The following SLC9A9 variants were observed in gnomAD, a reference collection of about 807,000 sequenced individuals.
SLC9A9 encodes the protein solute carrier family 9 member A9.
SLC9A9 carries 62 observed loss-of-function variants against 77.8 expected under a neutral mutation model. The observed-to-expected ratio is 0.80, with a 90% CI of 0.65 to 0.98. The LOEUF is 0.98. Ranked by LOEUF, SLC9A9 falls within the 50% of genes least tolerant of loss-of-function variation. The probability of loss-of-function intolerance (pLI) is 0.00; values close to 1 mark genes in which losing one functional copy is unlikely to be tolerated. For missense variants in SLC9A9, 775 were observed against 774.9 expected (o/e 1.00, Z 0.00); for synonymous variants, 320 against 283.5 (o/e 1.13, Z -1.29).
chr3:143,552,360 A>G lies in SLC9A9; in HGVS notation c.1089+2T>C. On this transcript the variant is annotated splice_donor_variant, in intron 9 of 15. Coordinates refer to ENST00000316549, the MANE Select transcript of SLC9A9 (RefSeq NM_173653.4). LOFTEE classifies it high-confidence loss of function. ...AAGTCTGTAGTAAATTTTTTCTTTT[A>G]CCTGTTTAGTTCTTATTTTGGAATC... 6.2e-7 allele frequency: 1 copy of G among 1,609,426 alleles called. No individual in the cohort carries two copies. Among genetic ancestry groups the G allele is most frequent in the African/African-American group, 1.3e-5 (1 of 74,874 alleles).
intron 8 of SLC9A9, among the ~76,000 whole-genome samples, chr3:143,553,555 T>C (rs1417004321): frequency 1.3e-5 from 2 of 152,196 alleles, no homozygotes; most frequent in African/African-American, 4.8e-5. Flanking sequence ...CAAGTGAATC[T>C]GCAACAAAGA....
chr3:143,418,530 T>C (rs532716425), intron 12 of SLC9A9, among the ~76,000 whole-genome samples: 1 of 152,090 alleles, frequency 6.6e-6, no homozygotes, highest in East Asian at 1.9e-4. Flanking sequence ...GGGTGGCAGG[T>C]TTGAAGGTGG....
chr3:143,770,696 G>C (rs1041930743), intron 4 of SLC9A9, among the ~76,000 whole-genome samples: 2 of 152,034 alleles, frequency 1.3e-5, no homozygotes, highest in Non-Finnish European at 2.9e-5. Flanking sequence ...CAAAACAAAG[G>C]CTCGATAATG....
chr3:143,681,298 T>C (rs1933081637), intron 5 of SLC9A9, among the ~76,000 whole-genome samples: 1 of 138,042 alleles, frequency 7.2e-6, no homozygotes, highest in Admixed American at 7.4e-5. Context: ...ATTTAAACAG[T>C]TTTTTTTTAC....
At chr3:143,735,143 A>G (rs1486183581) in intron 4 of SLC9A9, among the ~76,000 whole-genome samples, 5 of 152,208 alleles carry the variant, frequency 3.3e-5, no homozygotes, top group Non-Finnish European at 7.3e-5. Flanking sequence ...CCTTTTGGTA[A>G]AATAAAAATG....
intron 4 of SLC9A9, among the ~76,000 whole-genome samples, chr3:143,764,400 A>C (rs1166777056): frequency 6.6e-6 from 1 of 152,216 alleles, no homozygotes; most frequent in Non-Finnish European, 1.5e-5. Context: ...GGAATGTAAT[A>C]TATGCAATTC....
chr3:143,785,575 T>G (rs570742658), intron 4 of SLC9A9, among the ~76,000 whole-genome samples: 29 of 152,336 alleles, frequency 1.9e-4, no homozygotes, highest in Non-Finnish European at 3.7e-4. Flanking sequence ...TGTGAGCTAT[T>G]AAAACAACCG....
At chr3:143,510,038 T>C (rs995793166) in intron 9 of SLC9A9, among the ~76,000 whole-genome samples, 2 of 152,218 alleles carry the variant, frequency 1.3e-5, no homozygotes, top group South Asian at 2.1e-4. Flanking sequence ...TAAATTGATA[T>C]TTGTAATTGC....
At chr3:143,494,417 C>T (rs561602204) in intron 10 of SLC9A9, among the ~76,000 whole-genome samples, 15 of 152,178 alleles carry the variant, frequency 9.9e-5, no homozygotes, top group Non-Finnish European at 2.2e-4. Flanking sequence ...CTCAATGGGA[C>T]GGAGTTATTT....
intron 14 of SLC9A9, among the ~76,000 whole-genome samples, chr3:143,349,287 A>C (rs1156946216): frequency 6.6e-6 from 1 of 152,134 alleles, no homozygotes; most frequent in Non-Finnish European, 1.5e-5. Context: ...GGATGGTGAT[A>C]ATCTTTTTGC....
At chr3:143,666,365 C>T (rs1194449959) in intron 5 of SLC9A9, among the ~76,000 whole-genome samples, 1 of 152,132 alleles carries the variant, frequency 6.6e-6, no homozygotes, top group Non-Finnish European at 1.5e-5. Flanking sequence ...ATGACAAACC[C>T]ACAGCCAATA....
At chr3:143,640,179 G>C (rs889045755) in intron 6 of SLC9A9, among the ~76,000 whole-genome samples, 1 of 151,772 alleles carries the variant, frequency 6.6e-6, no homozygotes, top group Non-Finnish European at 1.5e-5. Flanking sequence ...CGGCCACCAC[G>C]CCCGGCTAAT....
At chr3:143,279,582 G>A (rs1397716183) in intron 14 of SLC9A9, among the ~76,000 whole-genome samples, 5 of 151,844 alleles carry the variant, frequency 3.3e-5, no homozygotes, top group Non-Finnish European at 7.4e-5. Flanking sequence ...ACCACTCAAC[G>A]GGCCCCAGTG....
At chr3:143,514,406 C>T (rs1168042405) in intron 9 of SLC9A9, among the ~76,000 whole-genome samples, 3,091 of 152,230 alleles carry the variant, frequency 0.02, 100 homozygotes, top group African/African-American at 0.069. Context: ...AAGTAAACAG[C>T]TACATTAATC....
rs555468691 is a variant in SLC9A9, at chr3:143,843,726, T to C, written c.175+4422A>G. 2.0e-5 allele frequency among the ~76,000 whole-genome samples: 3 copies of C among 152,336 alleles called. No individual in the cohort carries two copies. The South Asian group carries it at 6.2e-4, about 32-fold the overall frequency. On this transcript the variant is annotated intron_variant, in intron 1 of 15. Transcript: ENST00000316549. ...AAGTATGGCAGCCCCCAGTGATATA[T>C]AATGGAATTCTTAATGCTGTCAGGG...
At chr3:143,346,218 C>T (rs2032269054) in intron 14 of SLC9A9, among the ~76,000 whole-genome samples, 1 of 152,038 alleles carries the variant, frequency 6.6e-6, no homozygotes, top group Non-Finnish European at 1.5e-5. Context: ...ATACTTTTGC[C>T]TTTTCACTTG....
chr3:143,590,421 T>C (rs535538544), intron 6 of SLC9A9, among the ~76,000 whole-genome samples: 1 of 152,348 alleles, frequency 6.6e-6, no homozygotes, highest in African/African-American at 2.4e-5. Context: ...CTTCTAATAA[T>C]ATAAAGGCAT....
In SLC9A9 at chr3:143,317,751, A is replaced by G. The variant is rs939942496; in HGVS notation, c.1604+45733T>C. On this transcript the variant is annotated intron_variant, in intron 14 of 15. Coordinates refer to ENST00000316549, the MANE Select transcript of SLC9A9 (RefSeq NM_173653.4). ...GTTCCATTTTCTTTTCTTTTGAGACAGAGTCTCGCTCTGTCACCCAGGCTG... is the reference window on the plus strand; with the variant it reads ...GTTCCATTTTCTTTTCTTTTGAGACGGAGTCTCGCTCTGTCACCCAGGCTG... Among the ~76,000 whole-genome samples the G allele has an allele frequency of 1.1e-4, 16 of 151,930 alleles. No individual in the cohort carries two copies. The East Asian group carries it at 2.5e-3, about 24-fold the overall frequency.
At position 143,572,322 on chromosome 3, in the gene SLC9A9, T is replaced by TGTGC. The variant is rs1291454805; in HGVS notation, c.1000+1765_1000+1766insGCAC. ...GTGTGTGTGTGTGTGTGTGTGTGTGTGCGCGTGTGTTTATTATAACATCCA... is the reference window on the plus strand; with the variant it reads ...GTGTGTGTGTGTGTGTGTGTGTGTGTGTGCGCGCGTGTGTTTATTATAACATCCA... On this transcript the variant is annotated intron_variant, in intron 8 of 15. Coordinates refer to ENST00000316549, the MANE Select transcript of SLC9A9 (RefSeq NM_173653.4). Among the ~76,000 whole-genome samples, 413 of 148,990 alleles carry TGTGC rather than the reference T, an allele frequency of 2.8e-3. 2 individuals carry two copies. Among genetic ancestry groups the TGTGC allele is most frequent in the African/African-American group, 8.5e-3 (343 of 40,424 alleles).
Sources: allele counts gnomAD v4.1 joint callset (sites outside exome capture counted in the v4.1 genomes callset), GRCh38; gene constraint gnomAD v4.1.1; transcripts MANE v1.5; gene names NCBI Gene and HGNC (gene_info 2026-07-23, HGNC 2026-07-21).